The following ZNF679 variants were observed in gnomAD, a reference collection of about 807,000 sequenced individuals.
ZNF679 encodes hypothetical protein MGC42415.
ZNF679 carries 10 observed loss-of-function variants against 13.4 expected under a neutral mutation model. The observed-to-expected ratio is 0.75, with a 90% CI of 0.46 to 1.27. The LOEUF (loss-of-function observed/expected upper bound fraction) is 1.27, where lower values mean the gene tolerates loss of function less well. Among genes scored for constraint, ZNF679 ranks in the 50% most tolerant of loss-of-function variants. The probability of loss-of-function intolerance (pLI) is 0.00; values close to 1 mark genes in which losing one functional copy is unlikely to be tolerated. For synonymous variants in ZNF679, 179 were observed against 162.5 expected (o/e 1.10, Z -0.77); for missense variants, 525 against 477.8 (o/e 1.10, Z -0.92).
At chr7:64,247,110 G>C (rs1206345004) in intron 1 of ZNF679, among the ~76,000 whole-genome samples, 2 of 152,182 alleles carry the variant, frequency 1.3e-5, no homozygotes, top group Non-Finnish European at 2.9e-5. Context: ...ATTATAATTA[G>C]CGTGTAATGA....
At chr7:64,242,976 G>A (rs538576767) in intron 1 of ZNF679, among the ~76,000 whole-genome samples, 139 of 152,266 alleles carry the variant, frequency 9.1e-4, no homozygotes, top group Non-Finnish European at 1.7e-3. Flanking sequence ...GTTGTCATAT[G>A]AGAGTCAGGA....
chr7:64,240,570 G>A (rs530385664), intron 1 of ZNF679, among the ~76,000 whole-genome samples: 107 of 152,260 alleles, frequency 7.0e-4, no homozygotes, highest in African/African-American at 2.5e-3. Flanking sequence ...TGCACATCCA[G>A]CTGATAGAAT....
At chr7:64,265,600 T>C (rs1788132973) in intron 4 of ZNF679, among the ~76,000 whole-genome samples, 1 of 152,230 alleles carries the variant, frequency 6.6e-6, no homozygotes, top group Non-Finnish European at 1.5e-5. Flanking sequence ...CATGTTCTTC[T>C]ATTGGGGATG....
chr7:64,233,447 C>T (rs949473861), intron 1 of ZNF679, among the ~76,000 whole-genome samples: 2 of 151,786 alleles, frequency 1.3e-5, no homozygotes, highest in Non-Finnish European at 2.9e-5. Context: ...GTCGAGATGG[C>T]GCCACTGCAC....
intron 2 of ZNF679, among the ~76,000 whole-genome samples, chr7:64,259,915 G>C (rs1236624866): frequency 6.6e-6 from 1 of 151,582 alleles, no homozygotes; most frequent in Admixed American, 6.6e-5. Flanking sequence ...GCAACAGAGT[G>C]AGACTTGGTC....
chr7:64,230,063 C>T (rs888461120), intron 1 of ZNF679, among the ~76,000 whole-genome samples: 2 of 152,038 alleles, frequency 1.3e-5, no homozygotes, highest in South Asian at 2.1e-4. Flanking sequence ...CAGGATCCAG[C>T]GATATGTTAC....
At chr7:64,256,898 A>G (rs1788012061) in intron 2 of ZNF679, among the ~76,000 whole-genome samples, 1 of 152,152 alleles carries the variant, frequency 6.6e-6, no homozygotes, top group South Asian at 2.1e-4. Context: ...GGATTTCACC[A>G]TGTTAGCCAG....
At chr7:64,258,949 T>C (rs1000700600) in intron 2 of ZNF679, among the ~76,000 whole-genome samples, 1 of 152,064 alleles carries the variant, frequency 6.6e-6, no homozygotes, top group Non-Finnish European at 1.5e-5. Flanking sequence ...TTCACTCTTG[T>C]CCCCCAGGCT....
chr7:64,266,903 CATAAA>C lies in ZNF679; in HGVS notation c.*39_*43del. The C allele has an allele frequency of 6.8e-7, 1 of 1,480,344 alleles. No individual in the cohort carries two copies. The highest frequency in any genetic ancestry group is 8.9e-7 in the Non-Finnish European group (1 of 1,118,514). The allele number at this position is 1,480,344 out of a possible 1,614,324, so 91.7% of individuals were successfully genotyped here. A position where few individuals can be genotyped will look rare whatever the true frequency, so the allele number is the denominator to read the frequency against. Reference sequence around the variant, plus strand: ...AGTCCAGCCTTCAGACCTTATAATACATAAAATAATTTATACTTGAAAAAATCACT... The same window carrying C: ...AGTCCAGCCTTCAGACCTTATAATACATAATTTATACTTGAAAAAATCACT... On this transcript the variant is annotated 3_prime_UTR_variant, in exon 5 of 5. Transcript: ENST00000421025.
At chr7:64,241,743 T>G (rs943025028) in intron 1 of ZNF679, among the ~76,000 whole-genome samples, 3 of 152,188 alleles carry the variant, frequency 2.0e-5, no homozygotes, top group African/African-American at 7.2e-5. Context: ...GAGACTCACT[T>G]CACTTTGATG....
rs1332263440 is a variant in ZNF679, at chr7:64,260,237, G to C, written c.56G>C (p.Arg19Thr). 4.4e-6 allele frequency: 7 copies of C among 1,607,266 alleles called. No individual in the cohort carries two copies. The African/African-American group carries it at 5.4e-5, about 12-fold the overall frequency. ...GSREMGLLTF[R>T]DVVIEFSLEE... ...GTTTTTCAGGGACTGTTGACATTCAGAGATGTAGTCATAGAATTCTCTCTG... is the reference window on the plus strand; with the variant it reads ...GTTTTTCAGGGACTGTTGACATTCACAGATGTAGTCATAGAATTCTCTCTG... The change falls in exon 3 of 5, where the codon AGA becomes ACA. Residue 19 changes from arginine (R) to threonine (T), a missense_variant. Physicochemically the swap from Arg to Thr is moderately conservative, Grantham distance 71. Coordinates refer to ENST00000421025, the MANE Select transcript of ZNF679 (RefSeq NM_153363.3).
chr7:64,246,805 C>T (rs970146200), intron 1 of ZNF679, among the ~76,000 whole-genome samples: 22 of 151,734 alleles, frequency 1.4e-4, no homozygotes, highest in Non-Finnish European at 1.2e-4. Flanking sequence ...GGATTTTGGG[C>T]GAGTCTGCAG....
At position 64,239,926 on chromosome 7, in the gene ZNF679, T is replaced by G. The variant is rs372320829; in HGVS notation, c.-90-9102T>G. 3.0e-4 allele frequency among the ~76,000 whole-genome samples: 45 copies of G among 152,314 alleles called. 1 individual carries two copies. In the East Asian group the frequency reaches 7.1e-3, roughly 24 times the overall value. On this transcript the variant is annotated intron_variant, in intron 1 of 4. Transcript: ENST00000421025. ...TGGGCCCAGTACTGGGTGAAGTTAT[T>G]CTTCCCCCAGGGCCCAGCCCACAAG...
chr7:64,255,145 GGCTGTCACACT>G (rs1443242539), intron 2 of ZNF679, among the ~76,000 whole-genome samples: 1 of 152,084 alleles, frequency 6.6e-6, no homozygotes, highest in Non-Finnish European at 1.5e-5. Context: ...CCTGCACACA[GGCTGTCACACT>G]GCACATTGTC....
intron 1 of ZNF679, among the ~76,000 whole-genome samples, chr7:64,248,042 G>A (rs953180131): frequency 2.6e-5 from 4 of 151,762 alleles, no homozygotes; most frequent in Admixed American, 1.3e-4. Context: ...TGGTTTAATT[G>A]AATCATAATT....
chr7:64,236,926 A>AAAGAAAGAAAG (rs1562840190), intron 1 of ZNF679, among the ~76,000 whole-genome samples: 2 of 33,946 alleles, frequency 5.9e-5, no homozygotes, highest in African/African-American at 1.7e-4. Context: ...AAGAAAGAAG[A>AAAGAAAGAAAG]AAGAAAGAAA....
At chr7:64,242,395 G>A (rs532967397) in intron 1 of ZNF679, among the ~76,000 whole-genome samples, 6 of 152,142 alleles carry the variant, frequency 3.9e-5, no homozygotes, top group Non-Finnish European at 7.4e-5. Flanking sequence ...GCTTGCCCAG[G>A]CTTTTGTTAC....
intron 1 of ZNF679, among the ~76,000 whole-genome samples, chr7:64,239,766 A>G (rs1360172460): frequency 6.6e-6 from 1 of 152,184 alleles, no homozygotes; most frequent in Non-Finnish European, 1.5e-5. Context: ...GCCTAAGTAA[A>G]AAGGTAATTC....
At chr7:64,239,228 G>A (rs528097455) in intron 1 of ZNF679, among the ~76,000 whole-genome samples, 94 of 152,298 alleles carry the variant, frequency 6.2e-4, no homozygotes, top group Non-Finnish European at 7.9e-4. Flanking sequence ...CAGGTGAAGT[G>A]GGGACTCTCC....
Sources: allele counts gnomAD v4.1 joint callset (sites outside exome capture counted in the v4.1 genomes callset), GRCh38; gene constraint gnomAD v4.1.1; transcripts MANE v1.5; gene names NCBI Gene and HGNC (gene_info 2026-07-23, HGNC 2026-07-21).